SIPA1: variants seen among roughly 807,000 people sequenced by gnomAD.
SIPA1 encodes the protein signal-induced proliferation-associated protein 1.
In SIPA1, 51 loss-of-function variants were observed where a neutral mutation model predicts 88.1. The observed-to-expected ratio is 0.58, with a 90% CI of 0.46 to 0.73. The LOEUF is 0.73. Ranked by LOEUF, SIPA1 falls within the 30% of genes least tolerant of loss-of-function variation. The pLI is 0.00. For synonymous variants in SIPA1, 681 were observed against 664.8 expected (o/e 1.02, Z -0.37); for missense variants, 1,348 against 1,467.6 (o/e 0.92, Z 1.33).
At chr11:65,644,796 A>C (rs1404644880) in intron 4 of SIPA1, among the ~76,000 whole-genome samples, 159 bp from the exon 5 acceptor site, 2 of 152,076 alleles carry the variant, frequency 1.3e-5, no homozygotes, top group East Asian at 3.8e-4. Context: ...CCCAAGCACG[A>C]GGAGCACAAC....
chr11:65,641,308 T>G lies in SIPA1; in HGVS notation c.387T>G (p.Ala129=), dbSNP rs757483338. ...TGCAAAGCCTGCTCTTTGATTGGGC[T>G]CCGAGGTCTCAGGGGATGGGGAGCC... is the stretch of plus-strand genomic sequence containing the variant. The part of the protein sequence containing the change: ...YDVQSLLFDW[A]PRSQGMGSHS... The change falls in exon 2 of 16, where the codon GCT becomes GCG. Residue 129 remains alanine, a synonymous_variant. Transcript: ENST00000534313. The G allele has an allele frequency of 3.1e-6, 5 of 1,613,616 alleles. No homozygotes were observed. In the South Asian group the frequency reaches 5.5e-5, roughly 18 times the overall value.
Position 65,646,360 on chromosome 11 carries a change from C to T in SIPA1, c.1403C>T (p.Thr468Met), listed in dbSNP as rs1127381. The change falls in exon 7 of 16, where the codon ACG (threonine) becomes ATG (methionine). Residue 468 changes from threonine to methionine, a missense_variant. Transcript: ENST00000534313. The surrounding 1 kb of genome is among the most constrained non-coding windows in gnomAD (Gnocchi z 7.5). ...FLVVRAHTPC[T>M]PHTTYRVAVS... ...GTGGTGCGGGCACACACACCCTGCA[C>T]GCCACACACCACCTACAGGTGGGCA... 18 of 1,611,918 alleles carry T rather than the reference C, an allele frequency of 1.1e-5. No homozygotes were observed. Among genetic ancestry groups the T allele is most frequent in the Middle Eastern group, 1.6e-4 (1 of 6,084 alleles).
At chr11:65,650,086 A>G in intron 13 of SIPA1, 35 bp downstream of exon 13, 1 of 1,612,786 alleles carries the variant, frequency 6.2e-7, no homozygotes, top group Non-Finnish European at 8.5e-7. Flanking sequence ...AAGCCTGGGC[A>G]GTGCTCTTGC....
In SIPA1 at chr11:65,640,762, G is replaced by C. The variant is rs1748218198; in HGVS notation, c.-91-69G>C. On this transcript the variant is annotated intron_variant, in intron 1 of 15. Coordinates refer to ENST00000534313, the MANE Select transcript of SIPA1 (RefSeq NM_006747.4). ...GCCGGAAGCCAACACGGGTGGTGGA[G>C]GACCAGGCTGGGGGCCTGGGTTCCT... 1.7e-5 allele frequency: 10 copies of C among 594,696 alleles called. No homozygotes were observed. The South Asian group carries it at 2.5e-4, about 15-fold the overall frequency. 36.8% of individuals were successfully genotyped at this position (594,696 alleles called of 1,614,324 possible). A position where few individuals can be genotyped will look rare whatever the true frequency, so the allele number is the denominator to read the frequency against.
chr11:65,646,631 C>A lies in SIPA1; in HGVS notation c.1597C>A (p.Gln533Lys). ...CCACGCCATGGCCACGCGCACCCGCCAGCAGTACCTGCAAGACCTGGCCAC... is the reference window on the plus strand; with the variant it reads ...CCACGCCATGGCCACGCGCACCCGCAAGCAGTACCTGCAAGACCTGGCCAC... ...QFHAMATRTR[Q>K]QYLQDLATNE... The change falls in exon 8 of 16, where the codon CAG becomes AAG. Residue 533 changes from glutamine (Q) to lysine (K), a missense_variant. Around this residue, in one of 4 missense-constraint regions of SIPA1, gnomAD observed 641 missense variants for 797.7 expected, o/e 0.80. Coordinates refer to ENST00000534313, the MANE Select transcript of SIPA1 (RefSeq NM_006747.4). This position sits in a 1 kb window ranked among gnomAD's most constrained non-coding sequence, Gnocchi z 7.5. 6.5e-7 allele frequency: 1 copy of A among 1,548,796 alleles called. No individual in the cohort carries two copies. The highest frequency in any genetic ancestry group is 2.4e-5 in the East Asian group (1 of 41,464).
rs1855983735 is a variant in SIPA1 at position 65,640,749 on chromosome 11, C to T, written c.-91-82C>T. ...GGTCTCGGAGGGGGCCGGAAGCCAA[C>T]ACGGGTGGTGGAGGACCAGGCTGGG... On this transcript the variant is annotated intron_variant, in intron 1 of 15. Coordinates refer to ENST00000534313, the MANE Select transcript of SIPA1 (RefSeq NM_006747.4). The T allele has an allele frequency of 2.8e-5, 15 of 545,092 alleles. No homozygotes were observed. The South Asian group carries it at 4.2e-4, about 15-fold the overall frequency. The allele number at this position is 545,092 out of a possible 1,614,324, so 33.8% of individuals were successfully genotyped here.
chr11:65,649,870 G>A lies in SIPA1; in HGVS notation c.2746+5G>A. ...TGCGGAACTCCATCAGCAGGAGTGA[G>A]TCTGGACCCAGGAGAGCAGGGGAGG... On this transcript the variant is annotated splice_donor_5th_base_variant and intron_variant, in intron 12 of 15. Transcript: ENST00000534313. 6.2e-7 allele frequency: 1 copy of A among 1,614,018 alleles called. No individual in the cohort carries two copies. The highest frequency in any genetic ancestry group is 8.5e-7 in the Non-Finnish European group (1 of 1,179,970).
rs1856057032 is a variant in SIPA1 at position 65,643,924 on chromosome 11, T to C, written c.985-1031T>C. 2.0e-5 allele frequency among the ~76,000 whole-genome samples: 3 copies of C among 151,938 alleles called. No homozygotes were observed. The South Asian group carries it at 6.2e-4, about 31-fold the overall frequency. On this transcript the variant is annotated intron_variant, in intron 4 of 15. Coordinates refer to ENST00000534313, the MANE Select transcript of SIPA1 (RefSeq NM_006747.4). Reference sequence around the variant, plus strand: ...AGCTCTCTGGCTGCAGCATGGGGACTAGACTGTACGGGGCGGGGATGCCAG... The same window carrying C: ...AGCTCTCTGGCTGCAGCATGGGGACCAGACTGTACGGGGCGGGGATGCCAG...
intron 14 of SIPA1, 67 bp from the exon 15 acceptor site, chr11:65,650,334 G>T (rs1467192733): frequency 1.9e-6 from 3 of 1,571,574 alleles, no homozygotes; most frequent in Non-Finnish European, 2.6e-6. Flanking sequence ...ATTAGCTGGG[G>T]CTGGGAGTCA....
Position 65,647,623 on chromosome 11 carries a change from C to T in SIPA1, c.2271C>T (p.Thr757=), listed in dbSNP as rs1590924247. The T allele has an allele frequency of 7.1e-7, 1 of 1,403,496 alleles. No homozygotes were observed. The highest frequency in any genetic ancestry group is 9.2e-7 in the Non-Finnish European group (1 of 1,082,530). 86.9% of individuals were successfully genotyped at this position (1,403,496 alleles called of 1,614,324 possible). A position where few individuals can be genotyped will look rare whatever the true frequency, so the allele number is the denominator to read the frequency against. ...LLRSAPKVCV[T]VLPPDESGRP... is the part of the protein sequence containing the mutation. ...GCTCGGCGCCCAAGGTCTGCGTCACCGTCCTGCCCCCCGACGAGAGCGGCC... is the reference window on the plus strand; with the variant it reads ...GCTCGGCGCCCAAGGTCTGCGTCACTGTCCTGCCCCCCGACGAGAGCGGCC... Residue 757 remains threonine (T), a synonymous_variant, in exon 9 of 16, where the codon ACC becomes ACT. Transcript: ENST00000534313.
chr11:65,650,286 C>T, intron 14 of SIPA1, 94 bp downstream of exon 14: 1 of 1,541,038 alleles, frequency 6.5e-7, no homozygotes, highest in East Asian at 2.3e-5. Flanking sequence ...CTGGGCTCTG[C>T]TGCCACATAT....
Position 65,644,998 on chromosome 11 carries a change from G to A in SIPA1, c.1028G>A (p.Gly343Asp), listed in dbSNP as rs1453268734. 1 of 1,613,968 alleles carries A rather than the reference G, an allele frequency of 6.2e-7. No individual in the cohort carries two copies. Among genetic ancestry groups the A allele is most frequent in the East Asian group, 2.2e-5 (1 of 44,890 alleles). The change falls in exon 5 of 16, where the codon GGC becomes GAC. Residue 343 changes from glycine to aspartate, a missense_variant. By Grantham distance (94) the Gly-to-Asp change is moderately conservative. Around this residue, in one of 4 missense-constraint regions of SIPA1, gnomAD observed 641 missense variants for 797.7 expected, o/e 0.80. Transcript: ENST00000534313. Reference sequence around the variant, plus strand: ...GTGGGCATCCTGTACTGCCGGGCGGGCCAGGGCTCGGAGGAGGAGATGTAC... The same window carrying A: ...GTGGGCATCCTGTACTGCCGGGCGGACCAGGGCTCGGAGGAGGAGATGTAC... ...RKVGILYCRA[G>D]QGSEEEMYNN...
chr11:65,646,431 C>G lies in SIPA1; in HGVS notation c.1422-25C>G. On this transcript the variant is annotated intron_variant, in intron 7 of 15. Coordinates refer to ENST00000534313, the MANE Select transcript of SIPA1 (RefSeq NM_006747.4). The surrounding 1 kb of genome is among the most constrained non-coding windows in gnomAD (Gnocchi z 7.5). ...CCGTGGGCATGGAGTCCTGCCGCCC[C>G]TCACTAACGCCTCCCTCCCCGCAGG... 1 of 1,594,334 alleles carries G rather than the reference C, an allele frequency of 6.3e-7. No individual in the cohort carries two copies. Among genetic ancestry groups the G allele is most frequent in the Non-Finnish European group, 8.5e-7 (1 of 1,174,060 alleles).
At position 65,650,142 on chromosome 11, in the gene SIPA1, G is replaced by A. The variant is rs745421352; in HGVS notation, c.2853G>A (p.Gln951=). 2.2e-5 allele frequency: 35 copies of A among 1,614,012 alleles called. No individual in the cohort carries two copies. In the Admixed American group the frequency reaches 5.7e-4, roughly 26 times the overall value. The change falls in exon 14 of 16, where the codon CAG becomes CAA. Residue 951 remains glutamine (Q), a synonymous_variant. Transcript: ENST00000534313. ...TILESLSREG[Q]PIPESGDPKG... is the part of the protein sequence containing the mutation. ...CTGATCCCTTTGTCCCCACAGGACAGCCCATCCCAGAGAGTGGAGACCCTA... is the reference window on the plus strand; with the variant it reads ...CTGATCCCTTTGTCCCCACAGGACAACCCATCCCAGAGAGTGGAGACCCTA...
intron 4 of SIPA1, among the ~76,000 whole-genome samples, chr11:65,644,243 G>T (rs55796623): frequency 6.6e-6 from 1 of 151,490 alleles, no homozygotes; most frequent in East Asian, 1.9e-4. Flanking sequence ...CAGCCAGGGA[G>T]GGGGAGGAGC....
rs1856036686 is a variant in SIPA1 at position 65,642,901 on chromosome 11, C to CTTA, written c.984+264_984+265insATT. ...CAGACCATCTGAATCAGAGTTTGCACTTTATTTATTTATTTATTTATTTAT... is the reference window on the plus strand; with the variant it reads ...CAGACCATCTGAATCAGAGTTTGCACTTATTTATTTATTTATTTATTTATTTAT... On this transcript the variant is annotated intron_variant, in intron 4 of 15. Transcript: ENST00000534313. The surrounding 1 kb of genome is among the most constrained non-coding windows in gnomAD (Gnocchi z 6.5). 6.8e-6 allele frequency among the ~76,000 whole-genome samples: 1 copy of CTTA among 146,962 alleles called. No homozygotes were observed. The highest frequency in any genetic ancestry group is 2.5e-5 in the African/African-American group (1 of 39,412).
rs2135518892 is a variant in SIPA1, at chr11:65,645,379, C to G, written c.1159+250C>G. Among the ~76,000 whole-genome samples the G allele has an allele frequency of 2.6e-5, 4 of 152,242 alleles. No homozygotes were observed. The Middle Eastern group carries it at 0.014, about 518-fold the overall frequency. On this transcript the variant is annotated intron_variant, in intron 5 of 15. Transcript: ENST00000534313. The stretch of plus-strand genomic sequence containing the variant: ...AAAGTGGTTTGGGGGCACTACCCCT[C>G]CACCAAACACATTCCAGCAGCTCAG...
At chr11:65,645,414 A>G (rs1590921464) in intron 5 of SIPA1, among the ~76,000 whole-genome samples, 1 of 152,092 alleles carries the variant, frequency 6.6e-6, no homozygotes, top group East Asian at 1.9e-4. Context: ...GCCTCGTGGA[A>G]GAGAGGTGCC....
rs754928297 is a variant in SIPA1, at chr11:65,650,498, T to C, written c.2982+19T>C. 1.9e-6 allele frequency: 3 copies of C among 1,613,778 alleles called. No homozygotes were observed. The highest frequency in any genetic ancestry group is 2.2e-5 in the East Asian group (1 of 44,892). ...GCAGAAGGTGAGGGGTGGGCTGAGC[T>C]TGGGGGGAGTCACAGGGCTGCCCCA... On this transcript the variant is annotated intron_variant, in intron 15 of 15. Transcript: ENST00000534313.
Sources: allele counts gnomAD v4.1 joint callset (sites outside exome capture counted in the v4.1 genomes callset), GRCh38; gene constraint gnomAD v4.1.1; regional missense constraint gnomAD v4.1.1; non-coding constraint Gnocchi (gnomAD v3.1); transcripts MANE v1.5; gene names NCBI Gene and HGNC (gene_info 2026-07-23, HGNC 2026-07-21).